The following ADRA1B variants were observed in gnomAD, a reference collection of about 807,000 sequenced individuals.
ADRA1B encodes the protein adrenoceptor alpha 1B.
Under a neutral mutation model 17.9 loss-of-function variants are expected in ADRA1B, and 17 were observed. The observed-to-expected ratio is 0.95, with a 90% confidence interval of 0.65 to 1.42. The LOEUF (loss-of-function observed/expected upper bound fraction) is 1.42. ADRA1B is among the 40% of genes most tolerant of loss of function. The pLI is 0.00. For missense variants in ADRA1B, 681 were observed against 722.1 expected, an observed-to-expected ratio of 0.94 and a Z score of 0.65; for synonymous variants, 366 against 327.6, an observed-to-expected ratio of 1.12 and a Z score of -1.27.
At chr5:159,912,155 T>G (rs536661206), upstream of ADRA1B, among the ~76,000 whole-genome samples, 169 of 152,334 alleles carry the variant, frequency 1.1e-3, 1 homozygote, top group Non-Finnish European at 1.8e-3. Context: ...TACACACATT[T>G]TCACATGTCA....
At chr5:159,967,187 AT>A (rs1352517744) in intron 1 of ADRA1B, among the ~76,000 whole-genome samples, 7 of 152,334 alleles carry the variant, frequency 4.6e-5, no homozygotes, top group African/African-American at 1.7e-4. Flanking sequence ...AATAAAAAAA[AT>A]ATACAAATCT....
At chr5:159,929,428 G>C (rs1362815529) in intron 1 of ADRA1B, among the ~76,000 whole-genome samples, 1 of 150,740 alleles carries the variant, frequency 6.6e-6, no homozygotes, top group East Asian at 1.9e-4. Flanking sequence ...CCAAAGTTTA[G>C]TTTGGGTTTT....
intron 1 of ADRA1B, among the ~76,000 whole-genome samples, chr5:159,965,456 C>G (rs10056804): frequency 0.026 from 3,991 of 152,246 alleles, 181 homozygotes; most frequent in African/African-American, 0.09. Context: ...TGTATTTACT[C>G]CCCTCACCCA....
chr5:159,979,224 G>A, the ADRA1B span, among the ~76,000 whole-genome samples: 1 of 152,176 alleles, frequency 6.6e-6, no homozygotes, highest in Admixed American at 6.5e-5. Context: ...TGTAACACAC[G>A]AGTTAAGTAT....
intron 1 of ADRA1B, among the ~76,000 whole-genome samples, chr5:159,904,371 A>G (rs1176288353): frequency 6.6e-6 from 1 of 152,210 alleles, no homozygotes; most frequent in Non-Finnish European, 1.5e-5. Flanking sequence ...ACAGCACATG[A>G]AAAAGTGTGG....
At position 159,873,982 on chromosome 5, in the gene ADRA1B, C is replaced by G. The variant is rs549097779; in HGVS notation, c.-256+8776C>G. On this transcript the variant is annotated intron_variant, in intron 1 of 2. Transcript: ENST00000641205. ...CCTCTTTGTTTTTTTATGCAGAGGG[C>G]AGAAAATGTCTTCTGGACGACTTAC... Among the ~76,000 whole-genome samples, 21 of 152,246 alleles carry G rather than the reference C, an allele frequency of 1.4e-4. No homozygotes were observed. The South Asian group carries it at 4.4e-3, about 32-fold the overall frequency.
intron 1 of ADRA1B, among the ~76,000 whole-genome samples, chr5:159,934,571 G>A (rs1213564688): frequency 1.3e-5 from 2 of 151,992 alleles, no homozygotes; most frequent in South Asian, 2.1e-4. Context: ...TTGGGAGTCC[G>A]AGGCGGGCGG....
At position 159,972,379 on chromosome 5, in the gene ADRA1B, A is replaced by G; in HGVS notation, c.1450A>G (p.Ser484Gly). 6.6e-7 allele frequency: 1 copy of G among 1,512,252 alleles called. No individual in the cohort carries two copies. The highest frequency in any genetic ancestry group is 8.8e-7 in the Non-Finnish European group (1 of 1,136,728). The allele number at this position is 1,512,252 out of a possible 1,614,324, so 93.7% of individuals were successfully genotyped here. A position where few individuals can be genotyped will look rare whatever the true frequency, so the allele number is the denominator to read the frequency against. ...FTFKLLTEPESPGTDGGASNG... is the reference protein window; with the variant it reads ...FTFKLLTEPEGPGTDGGASNG... ...CTTCAAGCTCCTGACCGAGCCCGAG[A>G]GCCCCGGGACCGACGGCGGCGCCAG... The change falls in exon 2 of 2, where the codon AGC becomes GGC. Residue 484 changes from serine (S) to glycine (G), a missense_variant. Ser to Gly is a moderately conservative substitution (Grantham distance 56). Transcript: ENST00000306675.
chr5:159,917,673 T>C lies in ADRA1B; in HGVS notation c.768T>C (p.His256=). 1 of 1,613,752 alleles carries C rather than the reference T, an allele frequency of 6.2e-7. No individual in the cohort carries two copies. The highest frequency in any genetic ancestry group is 8.5e-7 in the Non-Finnish European group (1 of 1,179,986). The change falls in exon 1 of 2, where the codon CAT becomes CAC. Residue 256 remains histidine (H), a synonymous_variant. Coordinates refer to ENST00000306675, the MANE Select transcript of ADRA1B (RefSeq NM_000679.4). The part of the protein sequence containing the change: ...SNSKELTLRI[H]SKNFHEDTLS... ...CCAAGGAGCTGACCCTGAGGATCCATTCCAAGAACTTTCACGAGGACACCC... is the reference window on the plus strand; with the variant it reads ...CCAAGGAGCTGACCCTGAGGATCCACTCCAAGAACTTTCACGAGGACACCC...
At chr5:159,978,512 T>C in the ADRA1B span, among the ~76,000 whole-genome samples, 1 of 152,190 alleles carries the variant, frequency 6.6e-6, no homozygotes, top group African/African-American at 2.4e-5. Flanking sequence ...GCCGTCTGAT[T>C]CTGGCTCAGC....
the ADRA1B span, among the ~76,000 whole-genome samples, chr5:159,980,857 G>A: frequency 1.3e-5 from 2 of 152,084 alleles, no homozygotes; most frequent in Non-Finnish European, 2.9e-5. Flanking sequence ...AGAGGTATTA[G>A]AGGACTCTCT....
At chr5:159,924,536 A>G (rs1754588741) in intron 1 of ADRA1B, among the ~76,000 whole-genome samples, 1 of 152,118 alleles carries the variant, frequency 6.6e-6, no homozygotes. Flanking sequence ...TTGATGTGAG[A>G]TTCGGAGATC....
intron 1 of ADRA1B, chr5:159,865,314 T>G (rs1420794012): frequency 1.2e-4 from 19 of 152,150 alleles, no homozygotes; most frequent in Admixed American, 1.2e-3. Flanking sequence ...CTGTTCCTTA[T>G]GTAATCTTGT....
intron 1 of ADRA1B, among the ~76,000 whole-genome samples, chr5:159,882,866 G>A (rs115469524): frequency 1.8e-4 from 27 of 152,340 alleles, no homozygotes; most frequent in Non-Finnish European, 3.1e-4. Context: ...ACCAAAGAGA[G>A]AGAGAGGGAG....
At chr5:159,897,608 G>A (rs984589390) in intron 1 of ADRA1B, among the ~76,000 whole-genome samples, 3 of 152,010 alleles carry the variant, frequency 2.0e-5, no homozygotes, top group Admixed American at 6.6e-5. Flanking sequence ...TCCTAAAATC[G>A]CTGCCCATTT....
chr5:159,976,646 TC>T (rs1755977840), downstream of ADRA1B, among the ~76,000 whole-genome samples: 1 of 143,502 alleles, frequency 7.0e-6, no homozygotes, highest in Non-Finnish European at 1.5e-5. Flanking sequence ...TATCTCACTG[TC>T]TCAAAAAAAA....
intron 1 of ADRA1B, among the ~76,000 whole-genome samples, chr5:159,942,260 G>A (rs917963707): frequency 1.3e-5 from 2 of 152,096 alleles, no homozygotes; most frequent in Non-Finnish European, 2.9e-5. Context: ...AAATTGTCCT[G>A]TAATTAGATA....
chr5:159,940,697 CACACACATGCATAT>C (rs1755100431), intron 1 of ADRA1B, among the ~76,000 whole-genome samples: 1 of 152,104 alleles, frequency 6.6e-6, no homozygotes. Flanking sequence ...CAAATGCATA[CACACACATGCATAT>C]ACACACACTT....
intron 1 of ADRA1B, among the ~76,000 whole-genome samples, chr5:159,924,133 G>A (rs1042095919): frequency 6.6e-6 from 1 of 152,254 alleles, no homozygotes; most frequent in African/African-American, 2.4e-5. Context: ...GAATCAGAAA[G>A]TTAGGAAAAT....
Sources: gnomAD v4.1 joint callset for allele counts (sites outside exome capture counted in the v4.1 genomes callset) on GRCh38, gnomAD v4.1.1 for gene constraint, MANE v1.5 for transcripts, NCBI Gene and HGNC (gene_info 2026-07-23, HGNC 2026-07-21) for gene names.